The following TSPAN3 variants were observed in gnomAD, a reference collection of about 807,000 sequenced individuals.
TSPAN3 encodes tetraspanin 3, also known as tetraspanin-3.
Under a neutral mutation model 31.1 loss-of-function variants are expected in TSPAN3, and 9 were observed. That is an observed-to-expected ratio of 0.29 (90% CI 0.17 to 0.50). The LOEUF (loss-of-function observed/expected upper bound fraction) is 0.50. TSPAN3 is among the 20% of genes least tolerant of loss of function. The probability of loss-of-function intolerance (pLI) is 0.98; values close to 1 mark genes in which losing one functional copy is unlikely to be tolerated. For missense variants in TSPAN3, 252 were observed against 313.5 expected, an observed-to-expected ratio of 0.80 and a Z score of 1.48; for synonymous variants, 129 against 114.3, an observed-to-expected ratio of 1.13 and a Z score of -0.82.
At chr15:77,047,962 G>A (rs1268992311) in intron 6 of TSPAN3, among the ~76,000 whole-genome samples, 2 of 152,052 alleles carry the variant, frequency 1.3e-5, no homozygotes, top group South Asian at 2.1e-4. Flanking sequence ...ATACACATAA[G>A]GATGTCCTCA....
rs76784927 is a variant in TSPAN3 at position 77,058,826 on chromosome 15, C to T, written c.64-2571G>A. Among the ~76,000 whole-genome samples, 1,240 of 152,280 alleles carry T rather than the reference C, an allele frequency of 8.1e-3. 10 individuals are homozygous for T. The highest frequency in any genetic ancestry group is 0.029 in the African/African-American group (1,186 of 41,548). On this transcript the variant is annotated intron_variant, in intron 1 of 6. Transcript: ENST00000267970. ...TTTCTCTTCAGTTCAATGCTTATAG[C>T]TTTTAGTTCACTATTCAATTATTTG...
intron 1 of TSPAN3, among the ~76,000 whole-genome samples, chr15:77,061,141 A>G (rs2076798036): frequency 6.6e-6 from 1 of 152,220 alleles, no homozygotes; most frequent in African/African-American, 2.4e-5. Flanking sequence ...AAGAGATTTC[A>G]TTCTTATATG....
At chr15:77,052,325 C>T (rs1248832755) in intron 6 of TSPAN3, 60 bp downstream of exon 6, 1 of 1,458,740 alleles carries the variant, frequency 6.9e-7, no homozygotes, top group African/African-American at 1.4e-5. Context: ...TAAAACCATT[C>T]AGGGCTGACA....
chr15:77,068,226 C>T (rs1457899209), intron 1 of TSPAN3: 1 of 152,210 alleles, frequency 6.6e-6, no homozygotes, highest in Non-Finnish European at 1.5e-5. Flanking sequence ...ATCTGCTTAA[C>T]TTCCTTATCA....
chr15:77,069,843 G>C (rs771527109), intron 1 of TSPAN3: 6 of 152,306 alleles, frequency 3.9e-5, no homozygotes, highest in Non-Finnish European at 7.3e-5. Flanking sequence ...ACTGTGGACA[G>C]AGCAATCTGT....
intron 1 of TSPAN3, among the ~76,000 whole-genome samples, chr15:77,068,697 T>C (rs1001573306): frequency 2.0e-5 from 3 of 152,236 alleles, no homozygotes; most frequent in Non-Finnish European, 4.4e-5. Context: ...CCTGTAACTC[T>C]TAAAAAAGAT....
intron 1 of TSPAN3, among the ~76,000 whole-genome samples, chr15:77,067,454 A>C (rs2076840117): frequency 1.3e-5 from 2 of 152,220 alleles, no homozygotes; most frequent in Admixed American, 1.3e-4. Flanking sequence ...TGTAGTTTAA[A>C]GGTCTTGCCA....
intron 1 of TSPAN3, chr15:77,067,593 G>A (rs1314968459): frequency 1.3e-5 from 2 of 152,150 alleles, no homozygotes; most frequent in Non-Finnish European, 2.9e-5. Context: ...TAAGCTCTAT[G>A]GAGAGTATGT....
intron 1 of TSPAN3, among the ~76,000 whole-genome samples, chr15:77,056,685 A>G (rs2076770904): frequency 6.6e-6 from 1 of 152,038 alleles, no homozygotes; most frequent in African/African-American, 2.4e-5. Context: ...TGACTCCAGA[A>G]TCTACACTTC....
rs909035659 is a variant in TSPAN3, at chr15:77,044,220, A to G, written c.*2615T>C. ...GTTCTCAAAGTGCCCCGGTGCTTCC[A>G]ATGTGCAGCCACGGGCAGGAAACAC... On this transcript the variant is annotated 3_prime_UTR_variant, in exon 7 of 7. Transcript: ENST00000267970. 1 of 152,196 alleles carries G rather than the reference A, an allele frequency of 6.6e-6. No individual in the cohort carries two copies. Among genetic ancestry groups the G allele is most frequent in the Admixed American group, 6.5e-5 (1 of 15,280 alleles). The allele number at this position is 152,196 out of a possible 1,614,324, so 9.4% of individuals were successfully genotyped here. A position where few individuals can be genotyped will look rare whatever the true frequency, so the allele number is the denominator to read the frequency against.
At position 77,070,880 on chromosome 15, in the gene TSPAN3, G is replaced by C; in HGVS notation, c.63+12C>G. 7.3e-7 allele frequency: 1 copy of C among 1,374,086 alleles called. No homozygotes were observed. Among genetic ancestry groups the C allele is most frequent in the Non-Finnish European group, 9.5e-7 (1 of 1,049,998 alleles). 85.1% of individuals were successfully genotyped at this position (1,374,086 alleles called of 1,614,324 possible). ...CCGCCGCCGGCCCCTCGCTCTGCCC[G>C]GCCCCGCTCACCCAGAAGATGAGGT... On this transcript the variant is annotated intron_variant, in intron 1 of 6. Coordinates refer to ENST00000267970, the MANE Select transcript of TSPAN3 (RefSeq NM_005724.6).
chr15:77,053,290 G>A (rs1423597623), intron 4 of TSPAN3, among the ~76,000 whole-genome samples: 1 of 151,662 alleles, frequency 6.6e-6, no homozygotes, highest in Non-Finnish European at 1.5e-5. Flanking sequence ...GAGGTCAAGA[G>A]TTCAAGACCA....
At chr15:77,059,623 T>C (rs1463165522) in intron 1 of TSPAN3, among the ~76,000 whole-genome samples, 4 of 152,316 alleles carry the variant, frequency 2.6e-5, no homozygotes, top group South Asian at 2.1e-4. Context: ...TCCTTTAATG[T>C]TGTAGGTTTT....
intron 1 of TSPAN3, among the ~76,000 whole-genome samples, chr15:77,067,159 A>T (rs1253164394): frequency 5.3e-5 from 8 of 152,178 alleles, no homozygotes; most frequent in Non-Finnish European, 1.2e-4. Flanking sequence ...ATTCAGTTTC[A>T]ACATGAGTTT....
intron 1 of TSPAN3, among the ~76,000 whole-genome samples, chr15:77,066,323 G>A (rs148170198): frequency 6.6e-6 from 1 of 152,224 alleles, no homozygotes; most frequent in East Asian, 1.9e-4. Flanking sequence ...TGTAATCCTA[G>A]CACTTTGGGA....
intron 1 of TSPAN3, among the ~76,000 whole-genome samples, chr15:77,056,977 G>A (rs893526736): frequency 2.6e-5 from 4 of 152,214 alleles, no homozygotes; most frequent in African/African-American, 9.7e-5. Context: ...AAGTTCCCAG[G>A]TGATGCTGGT....
intron 1 of TSPAN3, among the ~76,000 whole-genome samples, chr15:77,061,575 C>T (rs1041256335): frequency 6.6e-5 from 10 of 152,078 alleles, no homozygotes; most frequent in African/African-American, 2.4e-4. Flanking sequence ...CTATTAAATT[C>T]CTTTTCATCA....
rs2076659767 is a variant in TSPAN3, at chr15:77,041,414, CTTGCTCTG to C, written c.*5413_*5420del. 1 of 138,496 alleles carries C rather than the reference CTTGCTCTG, an allele frequency of 7.2e-6. No homozygotes were observed. The highest frequency in any genetic ancestry group is 1.5e-5 in the Non-Finnish European group (1 of 65,892). The allele number at this position is 138,496 out of a possible 1,614,324, so 8.6% of individuals were successfully genotyped here. On this transcript the variant is annotated 3_prime_UTR_variant, in exon 7 of 7. Coordinates refer to ENST00000267970, the MANE Select transcript of TSPAN3 (RefSeq NM_005724.6). ...TTTTTTTTTTTTTTTGAGACAGAGT[CTTGCTCTG>C]TCACCCAGGCTGGAGTGCAGTGGCA...
intron 1 of TSPAN3, among the ~76,000 whole-genome samples, chr15:77,063,097 G>T (rs1002484035): frequency 6.6e-6 from 1 of 152,012 alleles, no homozygotes; most frequent in South Asian, 2.1e-4. Context: ...TTCATTCCTG[G>T]ATGTGTCCTT....
Sources: gnomAD v4.1 joint callset for allele counts (sites outside exome capture counted in the v4.1 genomes callset) on GRCh38, gnomAD v4.1.1 for gene constraint, MANE v1.5 for transcripts, NCBI Gene and HGNC (gene_info 2026-07-23, HGNC 2026-07-21) for gene names.